NHP2: variants seen among roughly 807,000 people sequenced by gnomAD.
NHP2 encodes the protein H/ACA ribonucleoprotein complex subunit 2.
NHP2 carries 10 observed loss-of-function variants against 16.7 expected under a neutral mutation model. The observed-to-expected ratio is 0.60, with a 90% CI of 0.37 to 1.01. The LOEUF (loss-of-function observed/expected upper bound fraction) is 1.01, where lower values mean the gene tolerates loss of function less well. Among genes scored for constraint, NHP2 ranks in the 50% least tolerant of loss-of-function variants. The pLI, the probability that NHP2 is intolerant of heterozygous loss-of-function variation, is 0.01. For missense variants in NHP2, 184 were observed against 198.3 expected (o/e 0.93, Z 0.43); for synonymous variants, 87 against 78.9 (o/e 1.10, Z -0.54).
chr5:178,153,684 C>T lies in NHP2; in HGVS notation c.134G>A (p.Arg45Gln). 1 of 1,613,994 alleles carries T rather than the reference C, an allele frequency of 6.2e-7. No individual in the cohort carries two copies. The highest frequency in any genetic ancestry group is 8.5e-7 in the Non-Finnish European group (1 of 1,179,946). The change falls in exon 1 of 4, where the codon CGG becomes CAG. Residue 45 changes from arginine (R) to glutamine (Q), a missense_variant. By Grantham distance (43) the Arg-to-Gln change is conservative. Transcript: ENST00000274606. ...TTTCTTGATGCATTTGTAGAGCTTCCGCGTGAGGCGGCGAGAAGCCAGGGG... is the reference window on the plus strand; with the variant it reads ...TTTCTTGATGCATTTGTAGAGCTTCTGCGTGAGGCGGCGAGAAGCCAGGGG... Reference protein sequence around the residue: ...AQPLASRRLTRKLYKCIKKAV... With the variant: ...AQPLASRRLTQKLYKCIKKAV...
In NHP2 at chr5:178,149,597, G is replaced by A. The variant is rs951289176; in HGVS notation, c.*116C>T. 1.4e-5 allele frequency: 19 copies of A among 1,376,316 alleles called. No homozygotes were observed. The African/African-American group carries it at 1.7e-4, about 12-fold the overall frequency. The allele number at this position is 1,376,316 out of a possible 1,614,324, so 85.3% of individuals were successfully genotyped here. Reference sequence around the variant, plus strand: ...TGTTAGAGCTGCCTGGGAAGAAGGCGTGCCTTGGGGAACTGGGAAGATGCC... The same window carrying A: ...TGTTAGAGCTGCCTGGGAAGAAGGCATGCCTTGGGGAACTGGGAAGATGCC... On this transcript the variant is annotated 3_prime_UTR_variant, in exon 4 of 4. Coordinates refer to ENST00000274606, the MANE Select transcript of NHP2 (RefSeq NM_017838.4).
chr5:178,149,904 A>C, intron 3 of NHP2, 66 bp from the exon 4 acceptor site: 2 of 1,571,084 alleles, frequency 1.3e-6, no homozygotes, highest in Non-Finnish European at 1.7e-6. Flanking sequence ...GAAGTCACCA[A>C]CTGATGACCC....
intron 1 of NHP2, 28 bp from the exon 2 acceptor site, chr5:178,153,588 G>A (rs1217619950): frequency 3.7e-6 from 6 of 1,614,040 alleles, no homozygotes; most frequent in Admixed American, 3.3e-5. Context: ...TCGGTCGGGG[G>A]CCTCGCTCAG....
rs188272674 is a variant in NHP2 at position 178,150,872 on chromosome 5, G to T, written c.336+16C>A. 1.2e-5 allele frequency: 18 copies of T among 1,538,316 alleles called. No individual in the cohort carries two copies. The highest frequency in any genetic ancestry group is 2.7e-5 in the African/African-American group (2 of 73,532). ...CCCCAGTGCTGAGCAAGGTCAGGGGGCCACGTGCTCCTTACCGTCTTAGAG... is the reference window on the plus strand; with the variant it reads ...CCCCAGTGCTGAGCAAGGTCAGGGGTCCACGTGCTCCTTACCGTCTTAGAG... On this transcript the variant is annotated intron_variant, in intron 3 of 3. Coordinates refer to ENST00000274606, the MANE Select transcript of NHP2 (RefSeq NM_017838.4).
Position 178,150,839 on chromosome 5 carries a change from C to T in NHP2, c.336+49G>A, listed in dbSNP as rs372434797. 3 of 1,221,000 alleles carry T rather than the reference C, an allele frequency of 2.5e-6. No individual in the cohort carries two copies. In the South Asian group the frequency reaches 3.6e-5, roughly 15 times the overall value. The allele number at this position is 1,221,000 out of a possible 1,614,324, so 75.6% of individuals were successfully genotyped here. ...ACACTCTCCTGCTATGGCAGACTAT[C>T]CCAGACACCCCAGTGCTGAGCAAGG... On this transcript the variant is annotated intron_variant, in intron 3 of 3. Coordinates refer to ENST00000274606, the MANE Select transcript of NHP2 (RefSeq NM_017838.4).
At chr5:178,150,302 C>T (rs62392211) in intron 3 of NHP2, 12,749 of 221,104 alleles carry the variant, frequency 0.058, 519 homozygotes, top group Non-Finnish European at 0.08. Flanking sequence ...TCAGGCCAAA[C>T]GGTAAGTTCC....
chr5:178,150,903 A>G lies in NHP2; in HGVS notation c.321T>C (p.Tyr107=). ...MCEDRNLPYV[Y]IPSKTDLGAA... is the part of the protein sequence containing the mutation. ...TGCTCCTTACCGTCTTAGAGGGGAT[A>G]TAGACATAGGGCAAATTTCGGTCCT... The change falls in exon 3 of 4, where the codon TAT becomes TAC. Residue 107 remains tyrosine (Y), a synonymous_variant. Transcript: ENST00000274606. 6.2e-7 allele frequency: 1 copy of G among 1,613,102 alleles called. No homozygotes were observed. Among genetic ancestry groups the G allele is most frequent in the Non-Finnish European group, 8.5e-7 (1 of 1,179,024 alleles).
rs746209106 is a variant in NHP2 at position 178,151,003 on chromosome 5, G to A, written c.231-10C>T. ...TGCCAAAACCATGATCCTGAAATGA[G>A]AGAAAACACTGTCATCTCTGGCTTG... On this transcript the variant is annotated splice_polypyrimidine_tract_variant and intron_variant, in intron 2 of 3. Transcript: ENST00000274606. 1 of 1,601,816 alleles carries A rather than the reference G, an allele frequency of 6.2e-7. No individual in the cohort carries two copies.
chr5:178,153,452 G>A lies in NHP2; in HGVS notation c.230+39C>T, dbSNP rs372253906. ...ACTAAGTAGAGATTTCTCCGTTAACGTTTAGAAATGCAAAATCCAGAGGAA... is the reference window on the plus strand; with the variant it reads ...ACTAAGTAGAGATTTCTCCGTTAACATTTAGAAATGCAAAATCCAGAGGAA... On this transcript the variant is annotated intron_variant, in intron 2 of 3. Coordinates refer to ENST00000274606, the MANE Select transcript of NHP2 (RefSeq NM_017838.4). 8.3e-5 allele frequency: 133 copies of A among 1,602,198 alleles called. No individual in the cohort carries two copies. In the African/African-American group the frequency reaches 1.6e-3, roughly 20 times the overall value.
chr5:178,153,847 G>C lies in NHP2; in HGVS notation c.-30C>G, dbSNP rs758575292. On this transcript the variant is annotated 5_prime_UTR_variant, in exon 1 of 4. Transcript: ENST00000274606. Reference sequence around the variant, plus strand: ...GCGGCCGCTGAAACCTAGTCCCAGGGAGGCGAGCCCACGCGGTCCACAGCT... The same window carrying C: ...GCGGCCGCTGAAACCTAGTCCCAGGCAGGCGAGCCCACGCGGTCCACAGCT... 4 of 1,593,140 alleles carry C rather than the reference G, an allele frequency of 2.5e-6. No homozygotes were observed. The highest frequency in any genetic ancestry group is 3.4e-6 in the Non-Finnish European group (4 of 1,170,272).
chr5:178,153,619 C>A lies in NHP2; in HGVS notation c.160+39G>T, dbSNP rs781715316. On this transcript the variant is annotated intron_variant, in intron 1 of 3. Transcript: ENST00000274606. ...CTCAGCCACCCGCGCACCCATCCCA[C>A]CCGCGCACCCATCCCGGCCACGCCG... 4 of 1,613,668 alleles carry A rather than the reference C, an allele frequency of 2.5e-6. No homozygotes were observed. The East Asian group carries it at 8.9e-5, about 36-fold the overall frequency.
intron 3 of NHP2, 111 bp from the exon 4 acceptor site, chr5:178,149,949 C>G: frequency 1.7e-6 from 2 of 1,187,462 alleles, no homozygotes; most frequent in Non-Finnish European, 2.4e-6. Flanking sequence ...ATGTTCTGTT[C>G]GGTCCATGTT....
In NHP2 at chr5:178,151,316, G is replaced by A. The variant is rs371084100; in HGVS notation, c.231-323C>T. On this transcript the variant is annotated intron_variant, in intron 2 of 3. Coordinates refer to ENST00000274606, the MANE Select transcript of NHP2 (RefSeq NM_017838.4). ...AGGCAGCCCACGGAGGGGCTGGGGC[G>A]GGGGAGAGCATGTGGTGTGAGAATC... Among the ~76,000 whole-genome samples the A allele has an allele frequency of 7.2e-5, 11 of 152,296 alleles. No homozygotes were observed. The South Asian group carries it at 1.0e-3, about 14-fold the overall frequency.
In NHP2 at chr5:178,149,726, G is replaced by T. The variant is rs1401974529; in HGVS notation, c.449C>A (p.Pro150His). ...DECLEEVQSL[P>H]LPL Reference sequence around the variant, plus strand: ...TACCGGAGCCCCTCATAGGGGTAGGGGCAGGGACTGCACCTCCTCCAGGCA... The same window carrying T: ...TACCGGAGCCCCTCATAGGGGTAGGTGCAGGGACTGCACCTCCTCCAGGCA... The change falls in exon 4 of 4, where the codon CCC becomes CAC. Residue 150 changes from proline (P) to histidine (H), a missense_variant. Pro to His is a moderately conservative substitution (Grantham distance 77). Coordinates refer to ENST00000274606, the MANE Select transcript of NHP2 (RefSeq NM_017838.4). 5 of 1,613,826 alleles carry T rather than the reference G, an allele frequency of 3.1e-6. No homozygotes were observed. The highest frequency in any genetic ancestry group is 2.7e-5 in the African/African-American group (2 of 74,926).
chr5:178,150,851 A>G, intron 3 of NHP2, 37 bp downstream of exon 3: 1 of 1,320,398 alleles, frequency 7.6e-7, no homozygotes, highest in Non-Finnish European at 1.1e-6. Flanking sequence ...CAGACACCCC[A>G]GTGCTGAGCA....
rs533730749 is a variant in NHP2, at chr5:178,153,379, C to T, written c.230+112G>A. ...GGGACTTTACCGACTGCTTGATTGG[C>T]TTCTGTATATGGGGCTAGGTCAGAG... On this transcript the variant is annotated intron_variant, in intron 2 of 3. Coordinates refer to ENST00000274606, the MANE Select transcript of NHP2 (RefSeq NM_017838.4). 176 of 1,074,020 alleles carry T rather than the reference C, an allele frequency of 1.6e-4. 5 individuals carry two copies. In the South Asian group the frequency reaches 2.0e-3, roughly 12 times the overall value. The allele number at this position is 1,074,020 out of a possible 1,614,324, so 66.5% of individuals were successfully genotyped here.
In NHP2 at chr5:178,153,855, C is replaced by G. The variant is rs1214955420; in HGVS notation, c.-38G>C. On this transcript the variant is annotated 5_prime_UTR_variant, in exon 1 of 4. Coordinates refer to ENST00000274606, the MANE Select transcript of NHP2 (RefSeq NM_017838.4). The stretch of plus-strand genomic sequence containing the variant: ...TGAAACCTAGTCCCAGGGAGGCGAG[C>G]CCACGCGGTCCACAGCTTTAGGCAT... The G allele has an allele frequency of 1.3e-6, 2 of 1,582,036 alleles. No homozygotes were observed. Among genetic ancestry groups the G allele is most frequent in the Non-Finnish European group, 1.7e-6 (2 of 1,164,200 alleles).
intron 3 of NHP2, 88 bp from the exon 4 acceptor site, chr5:178,149,926 C>T: frequency 6.9e-7 from 1 of 1,439,256 alleles, no homozygotes; most frequent in Non-Finnish European, 9.6e-7. Context: ...CCAGCCTAAT[C>T]TGGCCCACAA....
In NHP2 at chr5:178,149,855, A is replaced by G; in HGVS notation, c.337-17T>C. 1 of 1,612,774 alleles carries G rather than the reference A, an allele frequency of 6.2e-7. No homozygotes were observed. On this transcript the variant is annotated splice_polypyrimidine_tract_variant and intron_variant, in intron 3 of 3. Coordinates refer to ENST00000274606, the MANE Select transcript of NHP2 (RefSeq NM_017838.4). ...ACCCAGGTCCTACAGAGGGGAAAGA[A>G]GTGCTGTTTGGAAAAAAGCTGTACA... is the stretch of plus-strand genomic sequence containing the variant.
Sources: gnomAD v4.1 joint callset for allele counts (sites outside exome capture counted in the v4.1 genomes callset) on GRCh38, gnomAD v4.1.1 for gene constraint, MANE v1.5 for transcripts, NCBI Gene and HGNC (gene_info 2026-07-23, HGNC 2026-07-21) for gene names.